The following STYXL2 variants were observed in gnomAD, a reference collection of about 807,000 sequenced individuals.
STYXL2 encodes serine/threonine/tyrosine interacting like 2, also known as serine/threonine/tyrosine-interacting-like protein 2.
In STYXL2, 44 loss-of-function variants were observed where a neutral mutation model predicts 52.4. That is an observed-to-expected ratio of 0.84 (90% CI 0.66 to 1.08). The LOEUF is 1.08. STYXL2 is among the 50% of genes least tolerant of loss of function. The pLI is 0.00. For synonymous variants in STYXL2, 604 were observed against 586.9 expected (o/e 1.03, Z -0.42); for missense variants, 1,604 against 1,471.7 (o/e 1.09, Z -1.47).
At chr1:167,111,784 T>C (rs1297394005) in intron 2 of STYXL2, among the ~76,000 whole-genome samples, 8 of 151,874 alleles carry the variant, frequency 5.3e-5, no homozygotes, top group African/African-American at 1.7e-4. Context: ...AATTACACAT[T>C]GGATACAGTG....
intron 5 of STYXL2, among the ~76,000 whole-genome samples, chr1:167,123,327 A>G (rs994479452): frequency 3.3e-5 from 5 of 152,228 alleles, no homozygotes; most frequent in Admixed American, 6.5e-5. Flanking sequence ...CTAGGAACAC[A>G]GCAGGAAAAA....
At chr1:167,119,518 A>G (rs1291383681) in intron 5 of STYXL2, 52 bp downstream of exon 5, 1 of 1,515,440 alleles carries the variant, frequency 6.6e-7, no homozygotes, top group Admixed American at 1.7e-5. Flanking sequence ...GGGAAAAGTA[A>G]TGTGGGGAAT....
At chr1:167,105,755 C>T (rs1166272711) in intron 2 of STYXL2, among the ~76,000 whole-genome samples, 1 of 152,226 alleles carries the variant, frequency 6.6e-6, no homozygotes, top group African/African-American at 2.4e-5. Flanking sequence ...ACATCTCCCC[C>T]TCATGGCGGC....
At chr1:167,124,845 C>G (rs1477690864) in intron 5 of STYXL2, among the ~76,000 whole-genome samples, 3 of 151,864 alleles carry the variant, frequency 2.0e-5, no homozygotes, top group Non-Finnish European at 4.4e-5. Flanking sequence ...ATCAGTAAAG[C>G]CCCAGTGACC....
At chr1:167,097,883 T>C (rs768687638) in intron 2 of STYXL2, among the ~76,000 whole-genome samples, 3 of 152,016 alleles carry the variant, frequency 2.0e-5, no homozygotes, top group Non-Finnish European at 2.9e-5. Flanking sequence ...ACGATATAGG[T>C]TTGTCATGGT....
intron 2 of STYXL2, among the ~76,000 whole-genome samples, chr1:167,109,705 C>G (rs879811405): frequency 1.3e-5 from 2 of 152,174 alleles, no homozygotes; most frequent in Non-Finnish European, 2.9e-5. Flanking sequence ...TTGTTTCCCC[C>G]CTATACTACC....
At chr1:167,102,189 A>G (rs528106029) in intron 2 of STYXL2, among the ~76,000 whole-genome samples, 2 of 152,296 alleles carry the variant, frequency 1.3e-5, no homozygotes, top group East Asian at 3.9e-4. Context: ...AAAGGGGCAC[A>G]CGGGATGATG....
intron 3 of STYXL2, among the ~76,000 whole-genome samples, chr1:167,115,553 T>C (rs957020860): frequency 6.6e-6 from 1 of 152,170 alleles, no homozygotes; most frequent in South Asian, 2.1e-4. Context: ...ACCTGCTAGA[T>C]AAATAGCCGA....
chr1:167,102,974 T>G (rs1329309102), intron 2 of STYXL2, among the ~76,000 whole-genome samples: 1 of 105,472 alleles, frequency 9.5e-6, no homozygotes, highest in African/African-American at 3.1e-5. Flanking sequence ...ATTTATTTTC[T>G]CACATATTGG....
At chr1:167,116,312 G>A (rs764351367) in intron 3 of STYXL2, among the ~76,000 whole-genome samples, 6 of 152,128 alleles carry the variant, frequency 3.9e-5, no homozygotes, top group Non-Finnish European at 7.4e-5. Context: ...AGTTCATCTG[G>A]AGTTTGAGCT....
Position 167,127,724 on chromosome 1 carries a change from C to A in STYXL2, c.2593C>A (p.Arg865Ser). Residue 865 changes from arginine (R) to serine (S), a missense_variant, in exon 6 of 6, where the codon CGC becomes AGC. Coordinates refer to ENST00000361200, the MANE Select transcript of STYXL2 (RefSeq NM_001080426.3). The stretch of plus-strand genomic sequence containing the variant: ...GGAAAAGCTGGCCTCAGACAACAAA[C>A]GCAGCTCCCTCTTCAAGAAGAAGAA... Reference protein sequence around the residue: ...KMEKLASDNKRSSLFKKKKVK... With the variant: ...KMEKLASDNKSSSLFKKKKVK... 6.2e-7 allele frequency: 1 copy of A among 1,613,944 alleles called. No homozygotes were observed. Among genetic ancestry groups the A allele is most frequent in the Non-Finnish European group, 8.5e-7 (1 of 1,179,984 alleles).
chr1:167,119,888 G>A (rs909429467), intron 5 of STYXL2, among the ~76,000 whole-genome samples: 1 of 152,210 alleles, frequency 6.6e-6, no homozygotes, highest in South Asian at 2.1e-4. Context: ...AAGTGACAAA[G>A]GGCTAGCCAT....
intron 2 of STYXL2, among the ~76,000 whole-genome samples, chr1:167,099,798 T>A (rs973472254): frequency 1.3e-5 from 2 of 152,188 alleles, no homozygotes; most frequent in African/African-American, 2.4e-5. Flanking sequence ...CAACTACATA[T>A]GTGCACCAGA....
In STYXL2 at chr1:167,127,487, C is replaced by A. The variant is rs768910128; in HGVS notation, c.2356C>A (p.Gln786Lys). ...SSSLGGCLLP[Q>K]SQARPSSDMQ... Reference sequence around the variant, plus strand: ...CTCCTTGGGTGGCTGCCTGTTGCCTCAGAGCCAGGCAAGACCCAGCTCTGA... The same window carrying A: ...CTCCTTGGGTGGCTGCCTGTTGCCTAAGAGCCAGGCAAGACCCAGCTCTGA... The change falls in exon 6 of 6, where the codon CAG (glutamine) becomes AAG (lysine). Residue 786 changes from glutamine to lysine, a missense_variant. Coordinates refer to ENST00000361200, the MANE Select transcript of STYXL2 (RefSeq NM_001080426.3). 6.2e-7 allele frequency: 1 copy of A among 1,614,104 alleles called. No individual in the cohort carries two copies. The highest frequency in any genetic ancestry group is 1.7e-5 in the Admixed American group (1 of 60,018).
intron 4 of STYXL2, 81 bp downstream of exon 4, chr1:167,117,640 A>T (rs1667757194): frequency 7.5e-7 from 1 of 1,326,872 alleles, no homozygotes; most frequent in Admixed American, 2.1e-5. Flanking sequence ...CCCAACTTTC[A>T]CCAAAGGCGC....
intron 2 of STYXL2, among the ~76,000 whole-genome samples, chr1:167,097,517 T>A (rs753442231): frequency 6.6e-6 from 1 of 152,178 alleles, no homozygotes; most frequent in Non-Finnish European, 1.5e-5. Context: ...GAGTCCAAGA[T>A]GCATGTTGTA....
At chr1:167,111,874 C>T (rs1052267742) in intron 2 of STYXL2, among the ~76,000 whole-genome samples, 2 of 151,934 alleles carry the variant, frequency 1.3e-5, no homozygotes, top group African/African-American at 4.8e-5. Flanking sequence ...AACCTGTTCC[C>T]CAAAAACCTA....
intron 2 of STYXL2, among the ~76,000 whole-genome samples, chr1:167,102,348 G>A (rs1307836119): frequency 2.6e-5 from 4 of 151,644 alleles, no homozygotes; most frequent in Admixed American, 2.6e-4. Context: ...CTTTTAGGAG[G>A]CAGTATGATA....
chr1:167,097,425 C>T (rs1276811955), intron 2 of STYXL2, among the ~76,000 whole-genome samples: 2 of 152,174 alleles, frequency 1.3e-5, no homozygotes, highest in Non-Finnish European at 2.9e-5. Flanking sequence ...AGTTTTCAAT[C>T]CTGATTCATT....
Sources: gnomAD v4.1 joint callset for allele counts (sites outside exome capture counted in the v4.1 genomes callset) on GRCh38, gnomAD v4.1.1 for gene constraint, MANE v1.5 for transcripts, NCBI Gene and HGNC (gene_info 2026-07-23, HGNC 2026-07-21) for gene names.